Variants in SERBP1 observed in about 807,000 individuals in gnomAD.
SERBP1 encodes SERPINE1 mRNA binding protein 1.
SERBP1 carries 6 observed loss-of-function variants against 50.2 expected under a neutral mutation model. The observed-to-expected ratio is 0.12, with a 90% CI of 0.07 to 0.24. The LOEUF is 0.24. Ranked by LOEUF, SERBP1 falls within the 10% of genes least tolerant of loss-of-function variation. The pLI is 1.00. For synonymous variants in SERBP1, 168 were observed against 182.8 expected, an observed-to-expected ratio of 0.92 and a Z score of 0.65; for missense variants, 346 against 524.9, an observed-to-expected ratio of 0.66 and a Z score of 3.33.
intron 5 of SERBP1, among the ~76,000 whole-genome samples, chr1:67,422,399 T>C (rs1182303454): frequency 6.7e-6 from 1 of 149,614 alleles, no homozygotes; most frequent in Non-Finnish European, 1.5e-5. Context: ...TAATCCCAGC[T>C]ACTCAGGAGC....
At chr1:67,416,012 T>C (rs1666993300) in intron 6 of SERBP1, among the ~76,000 whole-genome samples, 1 of 25,602 alleles carries the variant, frequency 3.9e-5, no homozygotes, top group South Asian at 1.6e-3. Flanking sequence ...CACAGGAACC[T>C]TTTTTTTTTT....
rs1325950795 is a variant in SERBP1, at chr1:67,411,939, A to C, written c.*1268T>G. On this transcript the variant is annotated 3_prime_UTR_variant, in exon 8 of 8. Coordinates refer to ENST00000361219, the MANE Select transcript of SERBP1 (RefSeq NM_001018069.2). ...CATTATAGGAATCCATTATTTACCT[A>C]ATTTTCTAATGGAGGAAGAGAGAAG... 6.6e-6 allele frequency: 1 copy of C among 151,908 alleles called. No individual in the cohort carries two copies. Among genetic ancestry groups the C allele is most frequent in the African/African-American group, 2.4e-5 (1 of 41,314 alleles). 9.4% of individuals were successfully genotyped at this position (151,908 alleles called of 1,614,324 possible). A position where few individuals can be genotyped will look rare whatever the true frequency, so the allele number is the denominator to read the frequency against.
At chr1:67,413,298 C>G in intron 7 of SERBP1, 35 bp from the exon 8 acceptor site, 1 of 1,531,514 alleles carries the variant, frequency 6.5e-7, no homozygotes, top group Non-Finnish European at 8.8e-7. Context: ...CCACAGTTCT[C>G]AGTTCTTCAA....
In SERBP1 at chr1:67,412,663, T is replaced by A. The variant is rs1666880686; in HGVS notation, c.*544A>T. 6.6e-6 allele frequency: 1 copy of A among 152,630 alleles called. No homozygotes were observed. Among genetic ancestry groups the A allele is most frequent in the Non-Finnish European group, 1.5e-5 (1 of 68,066 alleles). The allele number at this position is 152,630 out of a possible 1,614,324, so 9.5% of individuals were successfully genotyped here. A position where few individuals can be genotyped will look rare whatever the true frequency, so the allele number is the denominator to read the frequency against. On this transcript the variant is annotated 3_prime_UTR_variant, in exon 8 of 8. Coordinates refer to ENST00000361219, the MANE Select transcript of SERBP1 (RefSeq NM_001018069.2). ...AAAGATTTTTCCCCAAAAATGAAAATATTAAAACTAAGTTAAAATACATAT... is the reference window on the plus strand; with the variant it reads ...AAAGATTTTTCCCCAAAAATGAAAAAATTAAAACTAAGTTAAAATACATAT...
At position 67,411,432 on chromosome 1, in the gene SERBP1, A is replaced by G. The variant is rs1352645191; in HGVS notation, c.*1775T>C. The G allele has an allele frequency of 6.6e-6, 1 of 152,194 alleles. No homozygotes were observed. Among genetic ancestry groups the G allele is most frequent in the Non-Finnish European group, 1.5e-5 (1 of 68,016 alleles). 9.4% of individuals were successfully genotyped at this position (152,194 alleles called of 1,614,324 possible). ...TGCTGTCTCAATGAACAATGGGTCA[A>G]TAGTTCATATGGACTAAATTAATCT... On this transcript the variant is annotated 3_prime_UTR_variant, in exon 8 of 8. Transcript: ENST00000361219.
intron 4 of SERBP1, 89 bp from the exon 5 acceptor site, chr1:67,424,366 T>C (rs1292303465): frequency 2.0e-6 from 3 of 1,536,310 alleles, no homozygotes; most frequent in Non-Finnish European, 2.6e-6. Flanking sequence ...TCCATTTACA[T>C]GTAGCTGAAA....
intron 5 of SERBP1, among the ~76,000 whole-genome samples, chr1:67,421,397 A>T (rs1369589633): frequency 6.6e-6 from 1 of 152,228 alleles, no homozygotes; most frequent in Admixed American, 6.5e-5. Flanking sequence ...GCTATATATA[A>T]GTTAGTTCAT....
Position 67,408,514 on chromosome 1 carries a change from C to T in SERBP1, c.*4693G>A, listed in dbSNP as rs554267737. On this transcript the variant is annotated 3_prime_UTR_variant, in exon 8 of 8. Transcript: ENST00000361219. ...TGAACAATTGGCTACCAGTTTAGTA[C>T]AGAAGTAATCAACAGCACAAAAGCT... The T allele has an allele frequency of 2.0e-4, 28 of 143,130 alleles. No individual in the cohort carries two copies. The highest frequency in any genetic ancestry group is 7.0e-4 in the African/African-American group (27 of 38,674). The allele number at this position is 143,130 out of a possible 1,614,324, so 8.9% of individuals were successfully genotyped here. A position where few individuals can be genotyped will look rare whatever the true frequency, so the allele number is the denominator to read the frequency against.
At chr1:67,420,940 G>GATCC (rs1413067446) in intron 5 of SERBP1, among the ~76,000 whole-genome samples, 2 of 152,062 alleles carry the variant, frequency 1.3e-5, no homozygotes, top group Admixed American at 1.3e-4. Context: ...CAGGCCTAAG[G>GATCC]ATCCATTATT....
intron 1 of SERBP1, among the ~76,000 whole-genome samples, chr1:67,427,902 A>C (rs1206078239): frequency 6.6e-6 from 1 of 152,246 alleles, no homozygotes; most frequent in Non-Finnish European, 1.5e-5. Context: ...TCTCAATGAC[A>C]TTCTGCTGTC....
chr1:67,415,368 T>A, intron 6 of SERBP1, 29 bp from the exon 7 acceptor site: 2 of 1,512,202 alleles, frequency 1.3e-6, no homozygotes, highest in South Asian at 2.6e-5. Flanking sequence ...ATGATTGTGT[T>A]ATTAGTAGAA....
chr1:67,415,900 A>C (rs1242602923), intron 6 of SERBP1, among the ~76,000 whole-genome samples: 1 of 152,222 alleles, frequency 6.6e-6, no homozygotes, highest in Non-Finnish European at 1.5e-5. Flanking sequence ...GTTTTTCTAC[A>C]CAAATTGGAG....
rs1312385297 is a variant in SERBP1, at chr1:67,424,925, C to T, written c.658G>A (p.Gly220Arg). ...LKHEDKRGGS[G>R]SHNWGTVKDE... ...TTGACAGTTCCCCAGTTGTGAGATC[C>T]GCTACCTCCACGTTTGTCCTCGTGC... The change falls in exon 4 of 8, where the codon GGA (glycine) becomes AGA (arginine). Residue 220 changes from glycine to arginine, a missense_variant. This residue lies in a region of SERBP1 where 257 missense variants were observed against 331.2 expected (regional missense o/e 0.78). Transcript: ENST00000361219. 2.5e-6 allele frequency: 4 copies of T among 1,612,576 alleles called. No homozygotes were observed. The highest frequency in any genetic ancestry group is 1.7e-5 in the Admixed American group (1 of 60,006).
intron 6 of SERBP1, among the ~76,000 whole-genome samples, chr1:67,418,704 A>C (rs889532027): frequency 2.0e-5 from 3 of 152,184 alleles, no homozygotes; most frequent in African/African-American, 7.2e-5. Flanking sequence ...GGTTGCGGTA[A>C]GCAGAGATGG....
chr1:67,413,611 T>C (rs1666909401), intron 7 of SERBP1, among the ~76,000 whole-genome samples: 1 of 143,708 alleles, frequency 7.0e-6, no homozygotes, highest in African/African-American at 2.6e-5. Flanking sequence ...ACTGTGCCAC[T>C]GCACTCCAGC....
At position 67,407,849 on chromosome 1, in the gene SERBP1, T is replaced by G. The variant is rs1230765351; in HGVS notation, c.*5358A>C. On this transcript the variant is annotated 3_prime_UTR_variant, in exon 8 of 8. Coordinates refer to ENST00000361219, the MANE Select transcript of SERBP1 (RefSeq NM_001018069.2). ...CAAAAATTTACTTGGACGTTATTCA[T>G]TGGCTAATAGAACATTTTAGTCCCA... 6.6e-6 allele frequency: 1 copy of G among 152,232 alleles called. No homozygotes were observed. The highest frequency in any genetic ancestry group is 1.5e-5 in the Non-Finnish European group (1 of 68,038). 9.4% of individuals were successfully genotyped at this position (152,232 alleles called of 1,614,324 possible).
In SERBP1 at chr1:67,411,961, GA is replaced by G. The variant is rs140653998; in HGVS notation, c.*1245del. 13,660 of 152,574 alleles carry G rather than the reference GA, an allele frequency of 0.09. 679 individuals are homozygous for G. The highest frequency in any genetic ancestry group is 0.11 in the Admixed American group (1,628 of 15,294). 9.5% of individuals were successfully genotyped at this position (152,574 alleles called of 1,614,324 possible). A position where few individuals can be genotyped will look rare whatever the true frequency, so the allele number is the denominator to read the frequency against. On this transcript the variant is annotated 3_prime_UTR_variant, in exon 8 of 8. Transcript: ENST00000361219. Reference sequence around the variant, plus strand: ...CCTAATTTTCTAATGGAGGAAGAGAGAAGAGATAATTACCACTTTCTGTGGA... The same window carrying G: ...CCTAATTTTCTAATGGAGGAAGAGAGAGAGATAATTACCACTTTCTGTGGA...
chr1:67,424,965 A>G lies in SERBP1; in HGVS notation c.618T>C (p.His206=), dbSNP rs759055489. ...TGTCCTCGTGCTTCAGGCCACTGTA[A>G]TGTGAAAAAGAACTAACAAAACTGA... ...HSGSDRSSFS[H]YSGLKHEDKR... is the part of the protein sequence containing the mutation. Residue 206 remains histidine, a synonymous_variant, in exon 4 of 8, where the codon CAT becomes CAC. Transcript: ENST00000361219. The G allele has an allele frequency of 6.2e-7, 1 of 1,613,090 alleles. No individual in the cohort carries two copies. Among genetic ancestry groups the G allele is most frequent in the South Asian group, 1.1e-5 (1 of 91,028 alleles).
intron 5 of SERBP1, among the ~76,000 whole-genome samples, chr1:67,423,908 T>C (rs1432194044): frequency 6.6e-6 from 1 of 151,636 alleles, no homozygotes; most frequent in Non-Finnish European, 1.5e-5. Flanking sequence ...AAGGGCTGGG[T>C]GCAGTGGCTC....
Sources: gnomAD v4.1 joint callset for allele counts (sites outside exome capture counted in the v4.1 genomes callset) on GRCh38, gnomAD v4.1.1 for gene constraint, gnomAD v4.1.1 regional missense constraint, MANE v1.5 for transcripts, NCBI Gene and HGNC (gene_info 2026-07-23, HGNC 2026-07-21) for gene names.